The following TDRD12 variants were observed in gnomAD, a reference collection of about 807,000 sequenced individuals.
The protein encoded by TDRD12 is putative ATP-dependent RNA helicase TDRD12.
A neutral mutation model predicts 133.5 loss-of-function variants in TDRD12; 158 were observed. The observed-to-expected ratio is 1.18, with a 90% CI of 1.04 to 1.35. TDRD12 has a LOEUF of 1.35. Among genes scored for constraint, TDRD12 ranks in the 40% most tolerant of loss-of-function variants. The pLI, the probability that TDRD12 is intolerant of heterozygous loss-of-function variation, is 0.00. For synonymous variants in TDRD12, 460 were observed against 477.9 expected, an observed-to-expected ratio of 0.96 and a Z score of 0.49; for missense variants, 1,443 against 1,321.3, an observed-to-expected ratio of 1.09 and a Z score of -1.43.
chr19:32,741,296 G>C (rs888260317), intron 3 of TDRD12, among the ~76,000 whole-genome samples: 3 of 152,148 alleles, frequency 2.0e-5, no homozygotes, highest in African/African-American at 4.8e-5. Context: ...TGGCCAGGCT[G>C]GTCTTGAACT....
chr19:32,800,333 C>G, exon 17 of TDRD12: 1 of 1,524,364 alleles, frequency 6.6e-7, no homozygotes. Flanking sequence ...ATGGAAGAGG[C>G]TGCTCTCTAT....
chr19:32,822,419 G>A (rs1290594648), downstream of TDRD12, among the ~76,000 whole-genome samples: 3 of 152,148 alleles, frequency 2.0e-5, no homozygotes, highest in Admixed American at 6.5e-5. Context: ...GCAACAGAAT[G>A]AGACTCCGTC....
At chr19:32,816,470 T>C (rs1277251936) in intron 26 of TDRD12, among the ~76,000 whole-genome samples, 1 of 152,242 alleles carries the variant, frequency 6.6e-6, no homozygotes, top group Non-Finnish European at 1.5e-5. Flanking sequence ...GCATAAATTC[T>C]CTAAATTCTC....
At chr19:32,720,591 C>G (rs1184039700) in intron 1 of TDRD12, among the ~76,000 whole-genome samples, 9 of 42,122 alleles carry the variant, frequency 2.1e-4, no homozygotes, top group African/African-American at 1.2e-3. Context: ...TACCCTAGCC[C>G]CAGCTCCCAC....
chr19:32,754,560 G>A (rs559827121), intron 6 of TDRD12, among the ~76,000 whole-genome samples: 1 of 147,446 alleles, frequency 6.8e-6, no homozygotes, highest in South Asian at 2.3e-4. Context: ...GACCAGTCTT[G>A]TAAAATATCT....
intron 4 of TDRD12, among the ~76,000 whole-genome samples, chr19:32,747,120 G>C (rs200460365): frequency 2.0e-5 from 3 of 151,554 alleles, no homozygotes; most frequent in East Asian, 3.9e-4. Context: ...GTGTGAGAGA[G>C]GGGGAGAGAG....
chr19:32,754,604 C>A (rs562573808), intron 6 of TDRD12, among the ~76,000 whole-genome samples: 12 of 143,158 alleles, frequency 8.4e-5, no homozygotes, highest in East Asian at 6.9e-4. Context: ...AACTTGCTTT[C>A]TTCTTGCTTT....
chr19:32,728,314 G>A (rs1968922774), intron 1 of TDRD12, among the ~76,000 whole-genome samples: 1 of 152,122 alleles, frequency 6.6e-6, no homozygotes, highest in Non-Finnish European at 1.5e-5. Context: ...GTGGATTTTG[G>A]TAGGGATTGA....
intron 13 of TDRD12, among the ~76,000 whole-genome samples, chr19:32,791,611 C>T (rs1971074333): frequency 6.6e-6 from 1 of 152,102 alleles, no homozygotes; most frequent in Non-Finnish European, 1.5e-5. Context: ...CAGAGTGTGG[C>T]TGCCTCTTCA....
chr19:32,796,230 A>ACCT, intron 14 of TDRD12: 2 of 964,944 alleles, frequency 2.1e-6, no homozygotes, highest in Non-Finnish European at 2.5e-6. Context: ...ATAGGGTTGC[A>ACCT]GTTAGGAAAA....
intron 8 of TDRD12, among the ~76,000 whole-genome samples, chr19:32,767,622 C>T (rs1970336119): frequency 6.6e-6 from 1 of 152,142 alleles, no homozygotes; most frequent in East Asian, 1.9e-4. Flanking sequence ...GAAGGTTTTG[C>T]CGCCATCCTC....
chr19:32,814,939 G>A (rs1242987570), intron 25 of TDRD12, among the ~76,000 whole-genome samples: 3 of 152,214 alleles, frequency 2.0e-5, no homozygotes, highest in Admixed American at 1.3e-4. Flanking sequence ...GTGCCAGGCT[G>A]TTGCAGATTT....
intron 14 of TDRD12, among the ~76,000 whole-genome samples, chr19:32,796,772 G>A (rs1439805761): frequency 1.3e-5 from 2 of 152,144 alleles, no homozygotes; most frequent in Admixed American, 1.3e-4. Context: ...GTGGCCCCCA[G>A]CTTTCTCCAC....
chr19:32,813,706 A>C, exon 25 of TDRD12: 1 of 1,534,050 alleles, frequency 6.5e-7, no homozygotes, highest in Non-Finnish European at 8.7e-7. Flanking sequence ...ATTCATCATA[A>C]AATTGTTGGA....
Position 32,802,146 on chromosome 19 carries a change from TTATCATATATATATATGATAATATA to T in TDRD12, c.2197+286_2197+310del, listed in dbSNP as rs1298013307. ...ATCACTATCATATATATGATATATA[TTATCATATATATATATGATAATATA>T]TATCATATATATGATAGTGATATAT... On this transcript the variant is annotated intron_variant, in intron 19 of 27. Coordinates refer to ENST00000444215, the Ensembl canonical transcript of TDRD12. Among the ~76,000 whole-genome samples the T allele has an allele frequency of 2.8e-5, 4 of 142,838 alleles. No individual in the cohort carries two copies. The East Asian group carries it at 6.0e-4, about 21-fold the overall frequency. 93.7% of individuals were successfully genotyped at this position (142,838 alleles called of 152,430 possible).
At chr19:32,769,876 T>G (rs1429738802) in intron 8 of TDRD12, among the ~76,000 whole-genome samples, 2 of 151,860 alleles carry the variant, frequency 1.3e-5, no homozygotes, top group African/African-American at 4.8e-5. Context: ...CCTCAGGTGA[T>G]CCACCCGCCT....
Position 32,802,787 on chromosome 19 carries a change from C to T in TDRD12, c.2329C>T (p.Gln777Ter). The T allele has an allele frequency of 2.0e-6, 3 of 1,536,692 alleles. No individual in the cohort carries two copies. Among genetic ancestry groups the T allele is most frequent in the Non-Finnish European group, 2.6e-6 (3 of 1,147,036 alleles). The change falls in exon 20 of 28, where the codon CAG (glutamine) becomes TAG (stop). Residue 777 changes from glutamine to a stop codon, truncating the protein, a stop_gained and splice_region_variant. Coordinates refer to ENST00000444215, the Ensembl canonical transcript of TDRD12. LOFTEE classifies it high-confidence loss of function. ...CATGTCTGATCATTTTCACGCTGAA[C>T]AGGTTTGGTGAATTTTTATTCTCTT... is the stretch of plus-strand genomic sequence containing the variant.
intron 11 of TDRD12, among the ~76,000 whole-genome samples, chr19:32,778,237 T>G (rs1411695770): frequency 6.6e-6 from 1 of 151,852 alleles, no homozygotes; most frequent in African/African-American, 2.4e-5. Flanking sequence ...TGCCAGGGCT[T>G]CTTACCCCAC....
At chr19:32,770,250 A>G (rs990537003) in intron 8 of TDRD12, among the ~76,000 whole-genome samples, 1 of 151,866 alleles carries the variant, frequency 6.6e-6, no homozygotes, top group Non-Finnish European at 1.5e-5. Context: ...CAAGTGATCC[A>G]CCTGCCTTGG....
Sources: gnomAD v4.1 joint callset for allele counts (sites outside exome capture counted in the v4.1 genomes callset) on GRCh38, gnomAD v4.1.1 for gene constraint, MANE v1.5 for transcripts, NCBI Gene and HGNC (gene_info 2026-07-23, HGNC 2026-07-21) for gene names.